Variants in LRRTM4 observed in about 807,000 individuals in gnomAD.
The protein encoded by LRRTM4 is leucine rich repeat transmembrane neuronal 4.
Under a neutral mutation model 47.6 loss-of-function variants are expected in LRRTM4, and 25 were observed. The observed-to-expected ratio is 0.53, with a 90% confidence interval of 0.38 to 0.73. The LOEUF is 0.73. Among genes scored for constraint, LRRTM4 ranks in the 30% least tolerant of loss-of-function variants. LRRTM4 has a pLI of 0.00. For missense variants in LRRTM4, 638 were observed against 713.4 expected (o/e 0.89, Z 1.20); for synonymous variants, 311 against 269.5 (o/e 1.15, Z -1.51).
Position 77,522,107 on chromosome 2 carries a change from A to G in LRRTM4, c.-148+2T>C. On this transcript the variant is annotated splice_donor_variant, in intron 1 of 3. Transcript: ENST00000409884. LOFTEE classifies it low-confidence loss of function (5UTR_SPLICE). ...AGGAAAAAAAGAAAATCTTCAGAAT[A>G]CCTGGCATTCCTTATTGTGCTGGCT... The G allele has an allele frequency of 1.4e-6, 1 of 716,212 alleles. No homozygotes were observed. The highest frequency in any genetic ancestry group is 2.6e-6 in the Non-Finnish European group (1 of 384,270). 44.4% of individuals were successfully genotyped at this position (716,212 alleles called of 1,614,324 possible).
At chr2:76,849,402 G>A (rs1671927463) in intron 3 of LRRTM4, among the ~76,000 whole-genome samples, 2 of 152,048 alleles carry the variant, frequency 1.3e-5, no homozygotes, top group African/African-American at 4.8e-5. Context: ...GCAAATGAAC[G>A]AAGGCTGAAA....
chr2:77,123,750 C>G (rs1458422778), intron 3 of LRRTM4, among the ~76,000 whole-genome samples: 1 of 151,988 alleles, frequency 6.6e-6, no homozygotes, highest in African/African-American at 2.4e-5. Flanking sequence ...TTGGATGGCA[C>G]TACAAATGAT....
At chr2:76,990,156 A>G (rs1226547659) in intron 3 of LRRTM4, among the ~76,000 whole-genome samples, 1 of 151,772 alleles carries the variant, frequency 6.6e-6, no homozygotes, top group Non-Finnish European at 1.5e-5. Context: ...TGAAAAAATA[A>G]GTAACACCTC....
At chr2:77,214,592 T>C (rs966306189) in intron 3 of LRRTM4, among the ~76,000 whole-genome samples, 1 of 152,170 alleles carries the variant, frequency 6.6e-6, no homozygotes, top group East Asian at 1.9e-4. Context: ...TTTAATTTAT[T>C]GAGTTCATAG....
At chr2:77,095,799 C>T (rs576023720) in intron 3 of LRRTM4, among the ~76,000 whole-genome samples, 1 of 152,282 alleles carries the variant, frequency 6.6e-6, no homozygotes, top group East Asian at 1.9e-4. Context: ...AGGTGTAAGC[C>T]ACTGTGCCTG....
intron 3 of LRRTM4, among the ~76,000 whole-genome samples, chr2:77,460,257 GTCTT>G (rs1676737298): frequency 6.6e-6 from 1 of 152,066 alleles, no homozygotes; most frequent in Non-Finnish European, 1.5e-5. Context: ...CAAATTTAAT[GTCTT>G]TTTGTTTTAT....
At chr2:77,258,781 A>C (rs781750091) in intron 3 of LRRTM4, among the ~76,000 whole-genome samples, 16 of 151,990 alleles carry the variant, frequency 1.1e-4, no homozygotes, top group Non-Finnish European at 2.4e-4. Flanking sequence ...CAAGTTCCGC[A>C]ACTCAAATAG....
Position 77,007,483 on chromosome 2 carries a change from A to G in LRRTM4, c.1552-258567T>C, listed in dbSNP as rs537806529. Among the ~76,000 whole-genome samples the G allele has an allele frequency of 9.8e-5, 15 of 152,306 alleles. No individual in the cohort carries two copies. In the East Asian group the frequency reaches 2.9e-3, roughly 29 times the overall value. On this transcript the variant is annotated intron_variant, in intron 3 of 3. Coordinates refer to ENST00000409884, the MANE Select transcript of LRRTM4 (RefSeq NM_001134745.3). ...AAGAATATATTTGGAAAGCAATGAA[A>G]GTCTATACACAGAAATAGCCATTTC...
At position 77,491,373 on chromosome 2, in the gene LRRTM4, G is replaced by C. The variant is rs139970294; in HGVS notation, c.1551+26945C>G. 2.0e-5 allele frequency among the ~76,000 whole-genome samples: 3 copies of C among 152,022 alleles called. No individual in the cohort carries two copies. The East Asian group carries it at 5.8e-4, about 29-fold the overall frequency. On this transcript the variant is annotated intron_variant, in intron 3 of 3. Coordinates refer to ENST00000409884, the MANE Select transcript of LRRTM4 (RefSeq NM_001134745.3). The stretch of plus-strand genomic sequence containing the variant: ...AAGGAGGTAAAACAAAAAAAAATCA[G>C]ATGGAAATTAGAAATGTCCCTGAGA...
intron 3 of LRRTM4, among the ~76,000 whole-genome samples, chr2:77,322,371 A>G (rs912750767): frequency 1.3e-5 from 2 of 152,160 alleles, no homozygotes; most frequent in African/African-American, 4.8e-5. Context: ...TTTACTCTGC[A>G]TCTGACTCCT....
chr2:76,866,220 A>G lies in LRRTM4; in HGVS notation c.1552-117304T>C, dbSNP rs548664646. 3.3e-5 allele frequency among the ~76,000 whole-genome samples: 5 copies of G among 152,306 alleles called. No individual in the cohort carries two copies. The East Asian group carries it at 9.7e-4, about 29-fold the overall frequency. Reference sequence around the variant, plus strand: ...TAACTGAATCCCTTTGAGAGTCACGAAACATTTCAGAAGTAAATTTAAACC... The same window carrying G: ...TAACTGAATCCCTTTGAGAGTCACGGAACATTTCAGAAGTAAATTTAAACC... On this transcript the variant is annotated intron_variant, in intron 3 of 3. Coordinates refer to ENST00000409884, the MANE Select transcript of LRRTM4 (RefSeq NM_001134745.3).
chr2:76,791,583 A>G (rs1301883118), intron 3 of LRRTM4, among the ~76,000 whole-genome samples: 1 of 152,196 alleles, frequency 6.6e-6, no homozygotes. Flanking sequence ...ATCCTACTCC[A>G]TTTACAGGAC....
chr2:77,018,259 CTT>C (rs59294966), intron 3 of LRRTM4, among the ~76,000 whole-genome samples: 115 of 75,006 alleles, frequency 1.5e-3, no homozygotes, highest in Middle Eastern at 0.014. Flanking sequence ...CTCTTGATTG[CTT>C]TTTTTTTTTT....
Position 76,900,186 on chromosome 2 carries a change from A to T in LRRTM4, c.1552-151270T>A, listed in dbSNP as rs190253279. On this transcript the variant is annotated intron_variant, in intron 3 of 3. Coordinates refer to ENST00000409884, the MANE Select transcript of LRRTM4 (RefSeq NM_001134745.3). The stretch of plus-strand genomic sequence containing the variant: ...GAAGCACAGATTGCAGTGAGCCAAG[A>T]TCACACCACTGCACTCCAGTCTAGG... Among the ~76,000 whole-genome samples, 6 of 152,264 alleles carry T rather than the reference A, an allele frequency of 3.9e-5. No homozygotes were observed. The East Asian group carries it at 7.8e-4, about 20-fold the overall frequency.
intron 3 of LRRTM4, among the ~76,000 whole-genome samples, chr2:77,500,262 T>G (rs1678522173): frequency 6.6e-6 from 1 of 151,794 alleles, no homozygotes; most frequent in Admixed American, 6.6e-5. Context: ...CACAGCTTCC[T>G]AATTAATCAA....
At chr2:77,393,334 C>A (rs1673577250) in intron 3 of LRRTM4, among the ~76,000 whole-genome samples, 1 of 151,898 alleles carries the variant, frequency 6.6e-6, no homozygotes, top group African/African-American at 2.4e-5. Context: ...CAATTGCAGT[C>A]CTATTCGACA....
chr2:77,059,187 T>C (rs1216641827), intron 3 of LRRTM4, among the ~76,000 whole-genome samples: 1 of 152,166 alleles, frequency 6.6e-6, no homozygotes, highest in Non-Finnish European at 1.5e-5. Flanking sequence ...AAAGGAACTA[T>C]ACTAACAACC....
intron 3 of LRRTM4, among the ~76,000 whole-genome samples, chr2:76,813,398 T>G (rs1670802715): frequency 6.6e-6 from 1 of 152,152 alleles, no homozygotes; most frequent in Non-Finnish European, 1.5e-5. Flanking sequence ...TGCTTGACTT[T>G]GTCTAATGTC....
intron 3 of LRRTM4, among the ~76,000 whole-genome samples, chr2:76,973,564 C>G (rs936017452): frequency 1.3e-5 from 2 of 151,902 alleles, no homozygotes; most frequent in African/African-American, 2.4e-5. Context: ...CAAGAAAATA[C>G]TGATTTTCCT....
Sources: gnomAD v4.1 joint callset for allele counts (sites outside exome capture counted in the v4.1 genomes callset) on GRCh38, gnomAD v4.1.1 for gene constraint, MANE v1.5 for transcripts, NCBI Gene and HGNC (gene_info 2026-07-23, HGNC 2026-07-21) for gene names.